The following SCPEP1 variants were observed in gnomAD, a reference collection of about 807,000 sequenced individuals.
SCPEP1 encodes the protein retinoid-inducible serine carboxypeptidase.
Under a neutral mutation model 63.8 loss-of-function variants are expected in SCPEP1, and 51 were observed. The observed-to-expected ratio is 0.80, with a 90% CI of 0.64 to 1.01. SCPEP1 has a LOEUF of 1.01. SCPEP1 is among the 50% of genes least tolerant of loss of function. The pLI, the probability that SCPEP1 is intolerant of heterozygous loss-of-function variation, is 0.00. For synonymous variants in SCPEP1, 204 were observed against 207.8 expected, an observed-to-expected ratio of 0.98 and a Z score of 0.16; for missense variants, 499 against 554.9, an observed-to-expected ratio of 0.90 and a Z score of 1.01.
At chr17:57,004,822 T>C (rs1175932314) in intron 12 of SCPEP1, among the ~76,000 whole-genome samples, 2 of 152,254 alleles carry the variant, frequency 1.3e-5, no homozygotes, top group African/African-American at 2.4e-5. Context: ...TTGTTAGGCA[T>C]CATATCATTT....
Position 56,981,746 on chromosome 17 carries a change from C to T in SCPEP1, c.225+516C>T, listed in dbSNP as rs150915826. Among the ~76,000 whole-genome samples, 555 of 152,246 alleles carry T rather than the reference C, an allele frequency of 3.6e-3. 5 individuals are homozygous for T. The highest frequency in any genetic ancestry group is 0.013 in the African/African-American group (530 of 41,534). ...TTGAGGCATGAGAATTGCTTGGACCCGGGAGGCGGAGGTAGCAGTGAGCTG... is the reference window on the plus strand; with the variant it reads ...TTGAGGCATGAGAATTGCTTGGACCTGGGAGGCGGAGGTAGCAGTGAGCTG... On this transcript the variant is annotated intron_variant, in intron 2 of 12. Transcript: ENST00000262288.
intron 2 of SCPEP1, among the ~76,000 whole-genome samples, chr17:56,982,192 T>G (rs1193818239): frequency 6.6e-6 from 1 of 152,156 alleles, no homozygotes; most frequent in Non-Finnish European, 1.5e-5. Context: ...AACATGGTCT[T>G]GCCTCTGGAA....
chr17:56,981,157 T>A lies in SCPEP1; in HGVS notation c.152T>A (p.Met51Lys). The A allele has an allele frequency of 6.2e-7, 1 of 1,614,148 alleles. No individual in the cohort carries two copies. The highest frequency in any genetic ancestry group is 8.5e-7 in the Non-Finnish European group (1 of 1,179,988). Reference sequence around the variant, plus strand: ...GTGACGGTCCGCAAGGATGCCTACATGTTCTGGTGGCTCTATTATGCCACC... The same window carrying A: ...GTGACGGTCCGCAAGGATGCCTACAAGTTCTGGTGGCTCTATTATGCCACC... ...DYVTVRKDAYMFWWLYYATNS... is the reference protein window; with the variant it reads ...DYVTVRKDAYKFWWLYYATNS... The change falls in exon 2 of 13, where the codon ATG becomes AAG. Residue 51 changes from methionine (M) to lysine (K), a missense_variant. Met to Lys is a moderately conservative substitution (Grantham distance 95, BLOSUM62 -1). Transcript: ENST00000262288.
chr17:56,995,628 T>C lies in SCPEP1; in HGVS notation c.779T>C (p.Ile260Thr), dbSNP rs143208016. ...TELWGKAEMI[I>T]EQNTDGVNFY... is the part of the protein sequence containing the mutation. ...CTGTGGGGGAAAGCAGAAATGATCA[T>C]TGAACAGGTAAAAAGGGGAAACACT... Residue 260 changes from isoleucine to threonine, a missense_variant, in exon 8 of 13, where the codon ATT (isoleucine) becomes ACT (threonine). Coordinates refer to ENST00000262288, the MANE Select transcript of SCPEP1 (RefSeq NM_021626.3). 317 of 1,613,708 alleles carry C rather than the reference T, an allele frequency of 2.0e-4. No homozygotes were observed. Among genetic ancestry groups the C allele is most frequent in the Admixed American group, 7.8e-4 (47 of 59,958 alleles).
At chr17:57,002,296 A>AG (rs1380920656) in intron 12 of SCPEP1, 115 bp downstream of exon 12, 2 of 997,490 alleles carry the variant, frequency 2.0e-6, no homozygotes, top group Non-Finnish European at 3.0e-6. Flanking sequence ...CGAGGGCCCG[A>AG]GGGCCAGGTA....
In SCPEP1 at chr17:56,997,066, CT is replaced by C. The variant is rs756839638; in HGVS notation, c.880+13del. 2.0e-6 allele frequency: 3 copies of C among 1,518,202 alleles called. No homozygotes were observed. The Admixed American group carries it at 6.0e-5, about 30-fold the overall frequency. 94.0% of individuals were successfully genotyped at this position (1,518,202 alleles called of 1,614,324 possible). On this transcript the variant is annotated intron_variant, in intron 9 of 12. Transcript: ENST00000262288. ...CACAGAGCCACCTAGGTGAGTGAAC[CT>C]TGAAGTTATTAAAGTCCCTGCCTCA...
chr17:56,995,403 T>G, intron 7 of SCPEP1, 104 bp from the exon 8 acceptor site: 1 of 1,236,934 alleles, frequency 8.1e-7, no homozygotes, highest in African/African-American at 1.5e-5. Context: ...TGAGCTCCCG[T>G]TCTCCTTCCT....
rs542441483 is a variant in SCPEP1, at chr17:56,989,032, A to T, written c.546+742A>T. ...CGACACCCTGTTTCTACAAAAAAAA[A>T]AAAAATAATAAGCTGGGCACAGTGG... is the stretch of plus-strand genomic sequence containing the variant. On this transcript the variant is annotated intron_variant, in intron 5 of 12. Coordinates refer to ENST00000262288, the MANE Select transcript of SCPEP1 (RefSeq NM_021626.3). Among the ~76,000 whole-genome samples, 3 of 152,118 alleles carry T rather than the reference A, an allele frequency of 2.0e-5. No homozygotes were observed. In the East Asian group the frequency reaches 5.8e-4, roughly 29 times the overall value.
intron 12 of SCPEP1, among the ~76,000 whole-genome samples, chr17:57,005,401 G>T (rs1016132905): frequency 5.9e-5 from 9 of 152,192 alleles, no homozygotes; most frequent in African/African-American, 2.2e-4. Context: ...AGCCCTTGGA[G>T]ACTGTTGTTA....
intron 3 of SCPEP1, among the ~76,000 whole-genome samples, chr17:56,986,368 C>T (rs775210360): frequency 6.6e-6 from 1 of 151,824 alleles, no homozygotes; most frequent in Admixed American, 6.6e-5. Context: ...TATAGGCATG[C>T]GCCAGCACGC....
rs756511445 is a variant in SCPEP1, at chr17:56,995,059, A to G, written c.657+41A>G. 5.8e-6 allele frequency: 9 copies of G among 1,560,034 alleles called. No homozygotes were observed. In the South Asian group the frequency reaches 1.0e-4, roughly 17 times the overall value. On this transcript the variant is annotated intron_variant, in intron 7 of 12. Coordinates refer to ENST00000262288, the MANE Select transcript of SCPEP1 (RefSeq NM_021626.3). ...TCTGCACCCTCTGGGCAAACAGCCCAGCAGATCTCTTCTGGCTGTGACCCC... is the reference window on the plus strand; with the variant it reads ...TCTGCACCCTCTGGGCAAACAGCCCGGCAGATCTCTTCTGGCTGTGACCCC...
chr17:57,004,106 G>A (rs902342957), intron 12 of SCPEP1, among the ~76,000 whole-genome samples: 1 of 152,186 alleles, frequency 6.6e-6, no homozygotes, highest in African/African-American at 2.4e-5. Flanking sequence ...GGCTGAGGCA[G>A]GAGAATCGCT....
rs1911004627 is a variant in SCPEP1 at position 56,979,401 on chromosome 17, G to GA, written c.76+1169dup. Reference sequence around the variant, plus strand: ...TGGGGCTTGAAATTTGAGAAGGGAGGAAATAGAAGGCAGAAAACTCCAGTC... The same window carrying GA: ...TGGGGCTTGAAATTTGAGAAGGGAGGAAAATAGAAGGCAGAAAACTCCAGTC... On this transcript the variant is annotated intron_variant, in intron 1 of 12. Transcript: ENST00000262288. Among the ~76,000 whole-genome samples, 8 of 151,924 alleles carry GA rather than the reference G, an allele frequency of 5.3e-5. No homozygotes were observed. In the South Asian group the frequency reaches 1.7e-3, roughly 32 times the overall value.
chr17:56,988,499 TA>T (rs1296777892), intron 5 of SCPEP1, among the ~76,000 whole-genome samples: 4 of 151,922 alleles, frequency 2.6e-5, no homozygotes, highest in Non-Finnish European at 4.4e-5. Flanking sequence ...CATGAGTGAG[TA>T]AAAGAATGTG....
At chr17:56,998,563 G>C (rs1198534256) in intron 10 of SCPEP1, 65 bp downstream of exon 10, 1 of 1,261,540 alleles carries the variant, frequency 7.9e-7, no homozygotes, top group Non-Finnish European at 1.2e-6. Flanking sequence ...TGCAAATTCA[G>C]AGACCTGAAT....
At chr17:57,004,191 A>C (rs964004399) in intron 12 of SCPEP1, among the ~76,000 whole-genome samples, 2 of 152,172 alleles carry the variant, frequency 1.3e-5, no homozygotes, top group Non-Finnish European at 1.5e-5. Flanking sequence ...GCGCCACTGC[A>C]CTCCAGCCTG....
intron 1 of SCPEP1, among the ~76,000 whole-genome samples, chr17:56,978,454 T>A (rs1233129313): frequency 1.3e-5 from 2 of 151,852 alleles, no homozygotes; most frequent in African/African-American, 4.8e-5. Context: ...TCTGAGTGCT[T>A]CCGTTCTCTC....
chr17:56,991,969 G>A (rs556570687), intron 6 of SCPEP1, among the ~76,000 whole-genome samples: 4 of 152,182 alleles, frequency 2.6e-5, no homozygotes, highest in African/African-American at 4.8e-5. Flanking sequence ...CTAACAAAAC[G>A]TGATTTCCCC....
intron 6 of SCPEP1, among the ~76,000 whole-genome samples, chr17:56,994,238 T>C (rs1221357194): frequency 1.3e-5 from 2 of 152,244 alleles, no homozygotes; most frequent in African/African-American, 4.8e-5. Context: ...ACTTTTAAGC[T>C]AAGGAGAGAC....
Sources: allele counts gnomAD v4.1 joint callset (sites outside exome capture counted in the v4.1 genomes callset), GRCh38; gene constraint gnomAD v4.1.1; transcripts MANE v1.5; gene names NCBI Gene and HGNC (gene_info 2026-07-23, HGNC 2026-07-21).